The following LRP12 variants were observed in gnomAD, a reference collection of about 807,000 sequenced individuals.
LRP12 encodes LDL receptor related protein 12.
A neutral mutation model predicts 66.0 loss-of-function variants in LRP12; 14 were observed. That is an observed-to-expected ratio of 0.21 (90% CI 0.14 to 0.33). LRP12 has a LOEUF of 0.33. Among genes scored for constraint, LRP12 ranks in the 10% least tolerant of loss-of-function variants. The probability of loss-of-function intolerance (pLI) is 1.00; values close to 1 mark genes in which losing one functional copy is unlikely to be tolerated. For synonymous variants in LRP12, 357 were observed against 359.1 expected (o/e 0.99, Z 0.07); for missense variants, 889 against 1,053.4 (o/e 0.84, Z 2.16).
chr8:104,570,933 T>G (rs971397461), intron 1 of LRP12, among the ~76,000 whole-genome samples: 1 of 152,156 alleles, frequency 6.6e-6, no homozygotes, highest in Non-Finnish European at 1.5e-5. Flanking sequence ...CTCAAGCATT[T>G]CACACAAGAT....
intron 5 of LRP12, 186 bp from the exon 6 acceptor site, chr8:104,495,395 G>C (rs968331240): frequency 7.4e-6 from 4 of 544,094 alleles, no homozygotes; most frequent in Non-Finnish European, 1.3e-5. Context: ...GCTGACGCAG[G>C]CAGTCTGTCT....
intron 1 of LRP12, among the ~76,000 whole-genome samples, chr8:104,572,685 A>G (rs554092976): frequency 1.6e-4 from 24 of 152,126 alleles, no homozygotes; most frequent in Non-Finnish European, 3.1e-4. Context: ...TTATAAATTT[A>G]AAGCAAATAT....
At position 104,567,005 on chromosome 8, in the gene LRP12, T is replaced by TAAA. The variant is rs11330469; in HGVS notation, c.79+21811_79+21813dup. Among the ~76,000 whole-genome samples, 712 of 147,332 alleles carry TAAA rather than the reference T, an allele frequency of 4.8e-3. 5 individuals carry two copies. The highest frequency in any genetic ancestry group is 0.017 in the African/African-American group (672 of 40,310). On this transcript the variant is annotated intron_variant, in intron 1 of 6. Coordinates refer to ENST00000276654, the MANE Select transcript of LRP12 (RefSeq NM_013437.5). ...AATCCGTAATAAATGTCATTTTATTTAAAAAAAAAACAAAAATGACAGGAC... is the reference window on the plus strand; with the variant it reads ...AATCCGTAATAAATGTCATTTTATTTAAAAAAAAAAAAACAAAAATGACAGGAC...
chr8:104,567,574 G>A (rs932571513), intron 1 of LRP12, among the ~76,000 whole-genome samples: 1 of 152,048 alleles, frequency 6.6e-6, no homozygotes, highest in Non-Finnish European at 1.5e-5. Flanking sequence ...ATAAAATTTT[G>A]TATATGAAAA....
intron 1 of LRP12, among the ~76,000 whole-genome samples, chr8:104,545,210 C>G (rs1321769683): frequency 1.3e-5 from 2 of 152,250 alleles, no homozygotes; most frequent in East Asian, 1.9e-4. Context: ...CTACAATCTC[C>G]AGAGAAAACT....
intron 1 of LRP12, among the ~76,000 whole-genome samples, chr8:104,559,244 T>C (rs1005582904): frequency 6.6e-6 from 1 of 152,110 alleles, no homozygotes. Context: ...GAAAATGTGG[T>C]ATACATATAC....
At chr8:104,544,166 G>T (rs1027259725) in intron 1 of LRP12, among the ~76,000 whole-genome samples, 1 of 152,166 alleles carries the variant, frequency 6.6e-6, no homozygotes, top group Non-Finnish European at 1.5e-5. Flanking sequence ...CCACAACATC[G>T]CCTTAAGCCA....
chr8:104,576,680 A>G (rs1307501528), intron 1 of LRP12, among the ~76,000 whole-genome samples: 1 of 152,210 alleles, frequency 6.6e-6, no homozygotes, highest in South Asian at 2.1e-4. Context: ...GACCAATGAC[A>G]CTATAAAGCA....
intron 1 of LRP12, among the ~76,000 whole-genome samples, chr8:104,549,899 C>T (rs1253741267): frequency 6.6e-6 from 1 of 152,160 alleles, no homozygotes; most frequent in African/African-American, 2.4e-5. Context: ...CTTCCTCAAC[C>T]ACTATTCTTA....
Position 104,544,394 on chromosome 8 carries a change from T to C in LRP12, c.80-12431A>G, listed in dbSNP as rs118020846. Among the ~76,000 whole-genome samples, 69 of 152,322 alleles carry C rather than the reference T, an allele frequency of 4.5e-4. No homozygotes were observed. In the East Asian group the frequency reaches 0.011, roughly 24 times the overall value. ...TAGAAGATCTAGCTAAGATCACTAA[T>C]GAAGGTGGCTACACGAGGCAACAGA... is the stretch of plus-strand genomic sequence containing the variant. On this transcript the variant is annotated intron_variant, in intron 1 of 6. Coordinates refer to ENST00000276654, the MANE Select transcript of LRP12 (RefSeq NM_013437.5).
At chr8:104,580,344 G>A (rs1020352607) in intron 1 of LRP12, among the ~76,000 whole-genome samples, 2 of 141,458 alleles carry the variant, frequency 1.4e-5, no homozygotes, top group African/African-American at 5.3e-5. Context: ...GTGAAACCCT[G>A]TCTCTACTAA....
chr8:104,524,149 G>C (rs1053559201), intron 2 of LRP12, among the ~76,000 whole-genome samples: 7 of 151,334 alleles, frequency 4.6e-5, no homozygotes, highest in Non-Finnish European at 7.4e-5. Flanking sequence ...GGCTGAGGTG[G>C]GAGCATGGCT....
At chr8:104,580,358 T>TAAAAAAAAA (rs774764260) in intron 1 of LRP12, among the ~76,000 whole-genome samples, 1 of 92,184 alleles carries the variant, frequency 1.1e-5, no homozygotes, top group African/African-American at 4.1e-5. Context: ...CTACTAAAAA[T>TAAAAAAAAA]AAAAAAAAAA....
At chr8:104,569,506 T>C (rs1223769378) in intron 1 of LRP12, among the ~76,000 whole-genome samples, 1 of 152,080 alleles carries the variant, frequency 6.6e-6, no homozygotes, top group Non-Finnish European at 1.5e-5. Flanking sequence ...TTGAAAAAAG[T>C]CAATCAATGT....
intron 5 of LRP12, 68 bp from the exon 6 acceptor site, chr8:104,495,277 T>A: frequency 1.4e-6 from 2 of 1,474,674 alleles, no homozygotes; most frequent in Non-Finnish European, 1.9e-6. Context: ...TTTTCTATTA[T>A]CAGTAATTAA....
chr8:104,569,523 T>A (rs1028025623), intron 1 of LRP12, among the ~76,000 whole-genome samples: 1 of 152,086 alleles, frequency 6.6e-6, no homozygotes, highest in African/African-American at 2.4e-5. Context: ...ATGTAATCCA[T>A]TATACTAACA....
Position 104,589,220 on chromosome 8 carries a change from G to T in LRP12, c.-323C>A, listed in dbSNP as rs911003127. Among the ~76,000 whole-genome samples, 1 of 151,610 alleles carries T rather than the reference G, an allele frequency of 6.6e-6. No individual in the cohort carries two copies. Among genetic ancestry groups the T allele is most frequent in the Non-Finnish European group, 1.5e-5 (1 of 67,794 alleles). ...GTGGCGGACGCCGGACTCCGGCCTC[G>T]CGCCGCTCGGGCTAGCCGGCGCCGC... On this transcript the variant is annotated 5_prime_UTR_variant, in exon 1 of 7. Coordinates refer to ENST00000276654, the MANE Select transcript of LRP12 (RefSeq NM_013437.5).
intron 1 of LRP12, among the ~76,000 whole-genome samples, chr8:104,558,053 T>C (rs1564144726): frequency 1.3e-5 from 2 of 151,922 alleles, no homozygotes; most frequent in African/African-American, 4.8e-5. Flanking sequence ...CTACTAAATA[T>C]ACAAAAATTA....
intron 2 of LRP12, among the ~76,000 whole-genome samples, chr8:104,516,385 T>C (rs772679480): frequency 6.6e-6 from 1 of 152,056 alleles, no homozygotes; most frequent in Non-Finnish European, 1.5e-5. Context: ...ATTATAATGC[T>C]AATGGTTAAA....
Sources: allele counts gnomAD v4.1 joint callset (sites outside exome capture counted in the v4.1 genomes callset), GRCh38; gene constraint gnomAD v4.1.1; transcripts MANE v1.5; gene names NCBI Gene and HGNC (gene_info 2026-07-23, HGNC 2026-07-21).